SERPINA4: variants seen among roughly 807,000 people sequenced by gnomAD.
The protein encoded by SERPINA4 is serpin family A member 4, also known as kallistatin.
SERPINA4 carries 24 observed loss-of-function variants against 25.4 expected under a neutral mutation model. That is an observed-to-expected ratio of 0.95 (90% CI 0.69 to 1.33). The LOEUF (loss-of-function observed/expected upper bound fraction) is 1.33, where lower values mean the gene tolerates loss of function less well. Among genes scored for constraint, SERPINA4 ranks in the 40% most tolerant of loss-of-function variants. The pLI, the probability that SERPINA4 is intolerant of heterozygous loss-of-function variation, is 0.00. For missense variants in SERPINA4, 553 were observed against 535.8 expected (o/e 1.03, Z -0.32); for synonymous variants, 242 against 223.6 (o/e 1.08, Z -0.73).
At chr14:94,561,638 T>C in intron 1 of SERPINA4, 144 bp downstream of exon 1, 2 of 1,280,848 alleles carry the variant, frequency 1.6e-6, no homozygotes, top group South Asian at 1.2e-5. Context: ...TGGGACACTT[T>C]GTCACTCTTG....
intron 3 of SERPINA4, 128 bp downstream of exon 3, chr14:94,567,371 A>C (rs17091071): frequency 0.25 from 256,047 of 1,014,452 alleles, 33,643 homozygotes; most frequent in South Asian, 0.34. Flanking sequence ...TGCTCTGAGA[A>C]CTTCCATGGG....
chr14:94,561,994 C>A (rs1056054834), intron 1 of SERPINA4, among the ~76,000 whole-genome samples: 1 of 151,946 alleles, frequency 6.6e-6, no homozygotes, highest in East Asian at 1.9e-4. Context: ...TCCGGCCCAC[C>A]GCCCATGAGC....
In SERPINA4 at chr14:94,568,935, C is replaced by T. The variant is rs115788023; in HGVS notation, c.1084-460C>T. 2.5e-3 allele frequency among the ~76,000 whole-genome samples: 383 copies of T among 151,338 alleles called. 2 individuals are homozygous for T. The highest frequency in any genetic ancestry group is 8.9e-3 in the African/African-American group (368 of 41,232). On this transcript the variant is annotated intron_variant, in intron 4 of 4. Transcript: ENST00000557004. ...GACACAGGTGAGGCTGCATTGGGTG[C>T]GTCTGTATTAGGGAGACTTTGCAGA...
intron 2 of SERPINA4, among the ~76,000 whole-genome samples, chr14:94,566,062 C>T (rs35367232): frequency 0.15 from 22,110 of 152,136 alleles, 1,795 homozygotes; most frequent in African/African-American, 0.22. Context: ...ACATCGCCTC[C>T]TGTATTTGCT....
In SERPINA4 at chr14:94,563,875, C is replaced by A; in HGVS notation, c.393C>A (p.Pro131=). 6.2e-7 allele frequency: 1 copy of A among 1,614,144 alleles called. No homozygotes were observed. The highest frequency in any genetic ancestry group is 8.5e-7 in the Non-Finnish European group (1 of 1,180,030). The change falls in exon 2 of 5, where the codon CCC becomes CCA. Residue 131 remains proline (P), a synonymous_variant. Transcript: ENST00000557004. ...ACCTCCTGCACACTCTCAACCTCCCCGGCCATGGGCTGGAAACACGCGTGG... is the reference window on the plus strand; with the variant it reads ...ACCTCCTGCACACTCTCAACCTCCCAGGCCATGGGCTGGAAACACGCGTGG... The part of the protein sequence containing the change: ...FQHLLHTLNL[P]GHGLETRVGS...
At position 94,563,810 on chromosome 14, in the gene SERPINA4, A is replaced by G; in HGVS notation, c.328A>G (p.Thr110Ala). ...QILEGLGFNL[T>A]ELSESDVHRG... ...CCTTGAGGGCCTGGGCTTCAACCTCACCGAGCTGTCTGAGTCCGATGTCCA... is the reference window on the plus strand; with the variant it reads ...CCTTGAGGGCCTGGGCTTCAACCTCGCCGAGCTGTCTGAGTCCGATGTCCA... The change falls in exon 2 of 5, where the codon ACC (threonine) becomes GCC (alanine). Residue 110 changes from threonine to alanine, a missense_variant. By Grantham distance (58) the Thr-to-Ala change is moderately conservative. Coordinates refer to ENST00000557004, the MANE Select transcript of SERPINA4 (RefSeq NM_006215.4). 1 of 1,613,980 alleles carries G rather than the reference A, an allele frequency of 6.2e-7. No homozygotes were observed. Among genetic ancestry groups the G allele is most frequent in the Non-Finnish European group, 8.5e-7 (1 of 1,179,996 alleles).
Position 94,565,023 on chromosome 14 carries a change from C to T in SERPINA4, c.649+892C>T, listed in dbSNP as rs147488953. 3.4e-4 allele frequency among the ~76,000 whole-genome samples: 52 copies of T among 152,304 alleles called. 2 individuals are homozygous for T. In the East Asian group the frequency reaches 6.9e-3, roughly 20 times the overall value. On this transcript the variant is annotated intron_variant, in intron 2 of 4. Transcript: ENST00000557004. ...CGGTGTGTATTAGCCAGGGTTTCAT[C>T]AGAGAAGGAGAGCCACCTCAAGTCA...
rs763589668 is a variant in SERPINA4 at position 94,567,246 on chromosome 14, A to T, written c.923+3A>T. On this transcript the variant is annotated splice_donor_region_variant and intron_variant, in intron 3 of 4. Transcript: ENST00000557004. ...TGGAACAACTTGTTGCGGAAGAGGT[A>T]ATCAGTGTGCTATGGGGGCTGAATC... The T allele has an allele frequency of 4.3e-6, 7 of 1,611,732 alleles. No individual in the cohort carries two copies. Among genetic ancestry groups the T allele is most frequent in the Non-Finnish European group, 5.9e-6 (7 of 1,179,214 alleles).
At chr14:94,566,865 G>T (rs1330911407) in intron 2 of SERPINA4, 105 bp from the exon 3 acceptor site, 1 of 1,352,084 alleles carries the variant, frequency 7.4e-7, no homozygotes, top group East Asian at 2.3e-5. Flanking sequence ...GCAGGATCTG[G>T]AGCGACTGTT....
At chr14:94,562,340 G>C (rs1447190888) in intron 1 of SERPINA4, among the ~76,000 whole-genome samples, 1 of 152,190 alleles carries the variant, frequency 6.6e-6, no homozygotes, top group African/African-American at 2.4e-5. Context: ...AAGAGGGGGC[G>C]AGAGGCTGAA....
At chr14:94,563,250 G>A (rs1383169699) in intron 1 of SERPINA4, among the ~76,000 whole-genome samples, 1 of 152,202 alleles carries the variant, frequency 6.6e-6, no homozygotes, top group Non-Finnish European at 1.5e-5. Flanking sequence ...TGGACACAAG[G>A]AGTGTGCCTT....
At chr14:94,567,770 C>T (rs138431886) in intron 3 of SERPINA4, among the ~76,000 whole-genome samples, 4 of 152,302 alleles carry the variant, frequency 2.6e-5, no homozygotes, top group African/African-American at 9.6e-5. Context: ...AGAATCCAAT[C>T]CAAAGAAATT....
At position 94,564,058 on chromosome 14, in the gene SERPINA4, G is replaced by A; in HGVS notation, c.576G>A (p.Gly192=). Residue 192 remains glycine, a synonymous_variant, in exon 2 of 5, where the codon GGG becomes GGA. Transcript: ENST00000557004. ...ACCACGTCAAGAAGGAAACTCGAGG[G>A]AAGATTGTGGATTTGGTCAGTGAGC... ...INDHVKKETR[G]KIVDLVSELK... 1 of 1,608,850 alleles carries A rather than the reference G, an allele frequency of 6.2e-7. No homozygotes were observed. The highest frequency in any genetic ancestry group is 1.1e-5 in the South Asian group (1 of 91,078).
rs1166632135 is a variant in SERPINA4 at position 94,564,083 on chromosome 14, C to G, written c.601C>G (p.Leu201Val). ...RGKIVDLVSE[L>V]KKDVLMVLVN... is the part of the protein sequence containing the mutation. ...GAAGATTGTGGATTTGGTCAGTGAGCTCAAGAAGGACGTCTTGATGGTGCT... is the reference window on the plus strand; with the variant it reads ...GAAGATTGTGGATTTGGTCAGTGAGGTCAAGAAGGACGTCTTGATGGTGCT... Residue 201 changes from leucine to valine, a missense_variant, in exon 2 of 5, where the codon CTC becomes GTC. Physicochemically the swap from Leu to Val is conservative, Grantham distance 32 (BLOSUM62 1). Coordinates refer to ENST00000557004, the MANE Select transcript of SERPINA4 (RefSeq NM_006215.4). 6.2e-7 allele frequency: 1 copy of G among 1,604,562 alleles called. No individual in the cohort carries two copies. The highest frequency in any genetic ancestry group is 1.1e-5 in the South Asian group (1 of 91,078).
chr14:94,568,184 T>C lies in SERPINA4; in HGVS notation c.979T>C (p.Tyr327His), dbSNP rs747797123. 6.2e-7 allele frequency: 1 copy of C among 1,614,266 alleles called. No homozygotes were observed. Among genetic ancestry groups the C allele is most frequent in the Admixed American group, 1.7e-5 (1 of 60,032 alleles). Residue 327 changes from tyrosine (Y) to histidine (H), a missense_variant, in exon 4 of 5, where the codon TAT becomes CAT. Tyr to His is a moderately conservative substitution (Grantham distance 83). Transcript: ENST00000557004. ...TCCCAAGTTCTCCATTTCTGGCTCC[T>C]ATGTATTAGATCAGATTTTGCCCAG... ...HLPKFSISGS[Y>H]VLDQILPRLG...
At chr14:94,565,443 G>C (rs969532325) in intron 2 of SERPINA4, among the ~76,000 whole-genome samples, 1 of 152,086 alleles carries the variant, frequency 6.6e-6, no homozygotes. Context: ...AAATCTACAG[G>C]GAACAAAATT....
At chr14:94,564,184 A>G in intron 2 of SERPINA4, 53 bp downstream of exon 2, 8 of 1,546,546 alleles carry the variant, frequency 5.2e-6, no homozygotes, top group Non-Finnish European at 7.0e-6. Context: ...CCTCCAACCC[A>G]CTAATTTGTT....
At position 94,567,164 on chromosome 14, in the gene SERPINA4, A is replaced by T. The variant is rs763647804; in HGVS notation, c.844A>T (p.Asn282Tyr). The T allele has an allele frequency of 6.2e-7, 1 of 1,614,186 alleles. No individual in the cohort carries two copies. Among genetic ancestry groups the T allele is most frequent in the Non-Finnish European group, 8.5e-7 (1 of 1,180,038 alleles). ...GDATVFFILP[N>Y]QGKMREIEEV... is the part of the protein sequence containing the mutation. ...CGCAACCGTGTTTTTCATTCTCCCTAACCAAGGCAAAATGAGGGAGATTGA... is the reference window on the plus strand; with the variant it reads ...CGCAACCGTGTTTTTCATTCTCCCTTACCAAGGCAAAATGAGGGAGATTGA... The change falls in exon 3 of 5, where the codon AAC becomes TAC. Residue 282 changes from asparagine (N) to tyrosine (Y), a missense_variant. Transcript: ENST00000557004.
chr14:94,569,315 A>G, intron 4 of SERPINA4, 80 bp from the exon 5 acceptor site: 1 of 1,289,072 alleles, frequency 7.8e-7, no homozygotes, highest in Non-Finnish European at 1.1e-6. Context: ...ATTATTCCCT[A>G]GCAATTTCTG....
Sources: gnomAD v4.1 joint callset for allele counts (sites outside exome capture counted in the v4.1 genomes callset) on GRCh38, gnomAD v4.1.1 for gene constraint, MANE v1.5 for transcripts, NCBI Gene and HGNC (gene_info 2026-07-23, HGNC 2026-07-21) for gene names.